KCNQ1: variants seen among roughly 807,000 people sequenced by gnomAD.
The protein encoded by KCNQ1 is potassium voltage-gated channel subfamily Q member 1.
A neutral mutation model predicts 72.4 loss-of-function variants in KCNQ1; 49 were observed. The ratio of observed to expected loss-of-function variants is 0.68; its 90% CI spans 0.54 to 0.86. KCNQ1 has a LOEUF of 0.86. KCNQ1 is among the 40% of genes least tolerant of loss of function. The pLI, the probability that KCNQ1 is intolerant of heterozygous loss-of-function variation, is 0.00. For missense variants in KCNQ1, 790 were observed against 945.1 expected (o/e 0.84, Z 2.15); for synonymous variants, 450 against 412.6 (o/e 1.09, Z -1.10).
In KCNQ1 at chr11:2,784,856, A is replaced by G. The variant is rs1846883123; in HGVS notation, c.1794+6819A>G. On this transcript the variant is annotated intron_variant, in intron 15 of 15. Coordinates refer to ENST00000155840, the MANE Select transcript of KCNQ1 (RefSeq NM_000218.3). The surrounding 1 kb of genome is among the most constrained non-coding windows in gnomAD (Gnocchi z 4.7). ...TTCATTACTAGTATATAGAAGTAAC[A>G]TTAAATTTTTATATCAATCTTGTAA... is the stretch of plus-strand genomic sequence containing the variant. 6.6e-6 allele frequency among the ~76,000 whole-genome samples: 1 copy of G among 152,044 alleles called. No individual in the cohort carries two copies. The highest frequency in any genetic ancestry group is 1.5e-5 in the Non-Finnish European group (1 of 67,864).
At position 2,662,137 on chromosome 11, in the gene KCNQ1, G is replaced by A; in HGVS notation, c.1514+56G>A. ...GCTGGAGGGGACTGGAGCTCAAGGAGTCAGACTTGGTGCTGGGGAAGCCTT... is the reference window on the plus strand; with the variant it reads ...GCTGGAGGGGACTGGAGCTCAAGGAATCAGACTTGGTGCTGGGGAAGCCTT... On this transcript the variant is annotated intron_variant, in intron 11 of 15. Transcript: ENST00000155840. 3 of 1,610,532 alleles carry A rather than the reference G, an allele frequency of 1.9e-6. No homozygotes were observed. The South Asian group carries it at 3.3e-5, about 18-fold the overall frequency.
At chr11:2,846,668 G>A (rs928383178) in intron 15 of KCNQ1, among the ~76,000 whole-genome samples, 7 of 152,206 alleles carry the variant, frequency 4.6e-5, no homozygotes, top group Admixed American at 2.6e-4. Flanking sequence ...CCGGCCTGCC[G>A]GCCAGGGCCT....
At position 2,670,949 on chromosome 11, in the gene KCNQ1, C is replaced by G. The variant is rs568958123; in HGVS notation, c.1514+8868C>G. The stretch of plus-strand genomic sequence containing the variant: ...CAAATTGGCAGGCCCAGCTTCATGC[C>G]TTCTTATGGTGCCCCAGAGCCCCTG... On this transcript the variant is annotated intron_variant, in intron 11 of 15. Transcript: ENST00000155840. The surrounding 1 kb of genome is among the most constrained non-coding windows in gnomAD (Gnocchi z 4.9). The G allele has an allele frequency of 2.5e-6, 1 of 398,522 alleles. No homozygotes were observed. Among genetic ancestry groups the G allele is most frequent in the Non-Finnish European group, 4.4e-6 (1 of 226,104 alleles). The allele number at this position is 398,522 out of a possible 1,614,324, so 24.7% of individuals were successfully genotyped here.
intron 1 of KCNQ1, among the ~76,000 whole-genome samples, chr11:2,452,413 C>G (rs574099306): frequency 6.6e-6 from 1 of 152,168 alleles, no homozygotes; most frequent in South Asian, 2.1e-4. Flanking sequence ...GCTGTGTCCT[C>G]GACTTCCACG....
At chr11:2,643,625 G>A in intron 10 of KCNQ1, 1 of 398,500 alleles carries the variant, frequency 2.5e-6, no homozygotes, top group Non-Finnish European at 4.4e-6. Flanking sequence ...CTTTTAAGTA[G>A]AAAGTTTAAT....
In KCNQ1 at chr11:2,772,309, TCCTTGGCCA is replaced by T. The variant is rs1293306051; in HGVS notation, c.1590+3391_1590+3399del. Reference sequence around the variant, plus strand: ...TCTGCCTACCTTGCTGGCTGATAAGTCCTTGGCCAACCACCCCTGTGTCTGGCCCAAGGA... The same window carrying T: ...TCTGCCTACCTTGCTGGCTGATAAGTACCACCCCTGTGTCTGGCCCAAGGA... On this transcript the variant is annotated intron_variant, in intron 12 of 15. Coordinates refer to ENST00000155840, the MANE Select transcript of KCNQ1 (RefSeq NM_000218.3). This position sits in a 1 kb window ranked among gnomAD's most constrained non-coding sequence, Gnocchi z 6.6. 2.6e-5 allele frequency among the ~76,000 whole-genome samples: 4 copies of T among 152,110 alleles called. No individual in the cohort carries two copies. The highest frequency in any genetic ancestry group is 9.6e-5 in the African/African-American group (4 of 41,490).
chr11:2,454,261 A>G (rs1215942097), intron 1 of KCNQ1, among the ~76,000 whole-genome samples: 2 of 152,174 alleles, frequency 1.3e-5, no homozygotes, highest in Non-Finnish European at 2.9e-5. Flanking sequence ...ATGCCTCTGA[A>G]TGTACCTGGT....
intron 11 of KCNQ1, among the ~76,000 whole-genome samples, chr11:2,738,520 G>A (rs1172710276): frequency 4.6e-5 from 7 of 152,176 alleles, no homozygotes; most frequent in Non-Finnish European, 8.8e-5. Context: ...CAGAGCCATG[G>A]CCAACCTCCC....
At chr11:2,632,281 G>A (rs1849371613) in intron 10 of KCNQ1, 1 of 397,884 alleles carries the variant, frequency 2.5e-6, no homozygotes, top group Non-Finnish European at 4.4e-6. Flanking sequence ...TTTGTGGTGA[G>A]TTTTCAGGGA....
chr11:2,777,520 C>T, intron 14 of KCNQ1: 1 of 537,602 alleles, frequency 1.9e-6, no homozygotes, highest in East Asian at 2.9e-5. Context: ...GTGAGTCATT[C>T]CGGGGAATGA....
At position 2,775,941 on chromosome 11, in the gene KCNQ1, G is replaced by T; in HGVS notation, c.1591-19G>T. 3 of 1,551,700 alleles carry T rather than the reference G, an allele frequency of 1.9e-6. No individual in the cohort carries two copies. The highest frequency in any genetic ancestry group is 2.4e-5 in the East Asian group (1 of 41,090). On this transcript the variant is annotated intron_variant, in intron 12 of 15. Coordinates refer to ENST00000155840, the MANE Select transcript of KCNQ1 (RefSeq NM_000218.3). ...GGGGCACAGGGAGGAGAAGTGATGC[G>T]TGTCTTTTTGTCCCGCAGCAAGCGC... is the stretch of plus-strand genomic sequence containing the variant.
At chr11:2,532,643 A>G (rs1847660447) in intron 2 of KCNQ1, among the ~76,000 whole-genome samples, 1 of 152,108 alleles carries the variant, frequency 6.6e-6, no homozygotes, top group Admixed American at 6.5e-5. Context: ...GGGGGCGCTC[A>G]GGTGGGAGGG....
intron 1 of KCNQ1, among the ~76,000 whole-genome samples, chr11:2,513,518 G>T (rs1847242645): frequency 6.6e-6 from 1 of 152,154 alleles, no homozygotes; most frequent in African/African-American, 2.4e-5. Context: ...GCACCTGCTG[G>T]CCTGAGGTCC....
rs562094485 is a variant in KCNQ1, at chr11:2,671,899, G to A, written c.1514+9818G>A. 3.0e-5 allele frequency: 12 copies of A among 398,708 alleles called. No individual in the cohort carries two copies. The highest frequency in any genetic ancestry group is 4.1e-5 in the African/African-American group (2 of 48,756). The allele number at this position is 398,708 out of a possible 1,614,324, so 24.7% of individuals were successfully genotyped here. A position where few individuals can be genotyped will look rare whatever the true frequency, so the allele number is the denominator to read the frequency against. Reference sequence around the variant, plus strand: ...GGAGGTGGGCAGCACCAGGCAGCCAGCCTGTGGGCCCCGCTATGCTTCCTC... The same window carrying A: ...GGAGGTGGGCAGCACCAGGCAGCCAACCTGTGGGCCCCGCTATGCTTCCTC... On this transcript the variant is annotated intron_variant, in intron 11 of 15. Coordinates refer to ENST00000155840, the MANE Select transcript of KCNQ1 (RefSeq NM_000218.3). The surrounding 1 kb of genome is among the most constrained non-coding windows in gnomAD (Gnocchi z 4.7).
chr11:2,573,674 G>A (rs543801547), intron 6 of KCNQ1, among the ~76,000 whole-genome samples: 65 of 152,170 alleles, frequency 4.3e-4, no homozygotes, highest in Non-Finnish European at 7.9e-4. Flanking sequence ...AGAGCAGCCC[G>A]GGAGCCTTGG....
chr11:2,699,983 G>C (rs183841991), intron 11 of KCNQ1: 127 of 398,298 alleles, frequency 3.2e-4, no homozygotes, highest in African/African-American at 1.9e-3. Context: ...GAGGCGACGC[G>C]GCGACCGTTC....
Position 2,571,399 on chromosome 11 carries a change from A to G in KCNQ1, c.679A>G (p.Ile227Val), listed in dbSNP as rs794728511. The G allele has an allele frequency of 1.2e-6, 2 of 1,610,846 alleles. No individual in the cohort carries two copies. Among genetic ancestry groups the G allele is most frequent in the Non-Finnish European group, 1.7e-6 (2 of 1,179,806 alleles). ...GGGGCAGGTGTTTGCCACGTCGGCC[A>G]TCAGGTGCGTCTGTGCCACAAGCTC... ...SKGQVFATSA[I>V]RGIRFLQILR... The change falls in exon 4 of 16, where the codon ATC becomes GTC. Residue 227 changes from isoleucine (I) to valine (V), a missense_variant. Physicochemically the swap from Ile to Val is conservative, Grantham distance 29. This residue lies in a region of KCNQ1 where 133 missense variants were observed against 219.5 expected (regional missense o/e 0.61). Transcript: ENST00000155840.
intron 15 of KCNQ1, among the ~76,000 whole-genome samples, chr11:2,834,666 AGGGCCCCG>A (rs989236958): frequency 1.6e-4 from 24 of 152,298 alleles, no homozygotes; most frequent in Admixed American, 1.2e-3. Flanking sequence ...TGTGGGGCTC[AGGGCCCCG>A]CCAGGTGAAG....
At chr11:2,758,352 G>A (rs1846336973) in intron 11 of KCNQ1, among the ~76,000 whole-genome samples, 1 of 152,206 alleles carries the variant, frequency 6.6e-6, no homozygotes, top group African/African-American at 2.4e-5. Flanking sequence ...ACCACAGTGA[G>A]CGGTCACTAC....
Sources: allele counts gnomAD v4.1 joint callset (sites outside exome capture counted in the v4.1 genomes callset), GRCh38; gene constraint gnomAD v4.1.1; regional missense constraint gnomAD v4.1.1; non-coding constraint Gnocchi (gnomAD v3.1); transcripts MANE v1.5; gene names NCBI Gene and HGNC (gene_info 2026-07-23, HGNC 2026-07-21).